The following TRPM3 variants were observed in gnomAD, a reference collection of about 807,000 sequenced individuals.
TRPM3 encodes the protein long transient receptor potential channel 3.
TRPM3 carries 77 observed loss-of-function variants against 181.2 expected under a neutral mutation model. The observed-to-expected ratio is 0.42, with a 90% CI of 0.35 to 0.51. The LOEUF is 0.51. Among genes scored for constraint, TRPM3 ranks in the 20% least tolerant of loss-of-function variants. The pLI is 0.01. For synonymous variants in TRPM3, 745 were observed against 796.4 expected, an observed-to-expected ratio of 0.94 and a Z score of 1.09; for missense variants, 1,759 against 2,196.7, an observed-to-expected ratio of 0.80 and a Z score of 3.98.
chr9:71,267,843 A>G (rs1193298169), intron 1 of TRPM3, among the ~76,000 whole-genome samples: 1 of 152,172 alleles, frequency 6.6e-6, no homozygotes, highest in Non-Finnish European at 1.5e-5. Flanking sequence ...AATCATCACA[A>G]TCATCACCTA....
At chr9:70,615,672 C>G (rs2062678579) in intron 18 of TRPM3, among the ~76,000 whole-genome samples, 1 of 152,176 alleles carries the variant, frequency 6.6e-6, no homozygotes, top group Non-Finnish European at 1.5e-5. Flanking sequence ...ATTGGTTTGT[C>G]CTGCACCACT....
intron 1 of TRPM3, among the ~76,000 whole-genome samples, chr9:71,388,668 A>G (rs1281746247): frequency 1.3e-5 from 2 of 152,138 alleles, no homozygotes; most frequent in Non-Finnish European, 1.5e-5. Flanking sequence ...CTAGCCTCTC[A>G]ATTCTTTAAC....
intron 1 of TRPM3, among the ~76,000 whole-genome samples, chr9:71,200,250 A>C (rs2078689043): frequency 6.6e-6 from 1 of 151,850 alleles, no homozygotes; most frequent in Admixed American, 6.6e-5. Context: ...GTTTGTTATA[A>C]TTTCTGTTCT....
At chr9:70,938,674 T>A (rs531286065) in intron 1 of TRPM3, among the ~76,000 whole-genome samples, 60 of 152,186 alleles carry the variant, frequency 3.9e-4, no homozygotes, top group African/African-American at 1.2e-3. Context: ...TCATTTCTTT[T>A]GGGCGCGGTG....
intron 1 of TRPM3, among the ~76,000 whole-genome samples, chr9:70,936,677 A>G (rs1183954671): frequency 6.6e-6 from 1 of 152,202 alleles, no homozygotes; most frequent in Admixed American, 6.5e-5. Context: ...TTTGTTTCAC[A>G]TAAGCCGCCT....
chr9:71,022,020 G>A (rs1306295755), intron 1 of TRPM3, among the ~76,000 whole-genome samples: 1 of 152,172 alleles, frequency 6.6e-6, no homozygotes, highest in African/African-American at 2.4e-5. Flanking sequence ...CTGGGGCCAA[G>A]GCTGTTGCTT....
In TRPM3 at chr9:70,552,078, T is replaced by A. The variant is rs553740740; in HGVS notation, c.3574+766A>T. On this transcript the variant is annotated intron_variant, in intron 24 of 25. Transcript: ENST00000677713. The stretch of plus-strand genomic sequence containing the variant: ...TCCCAGAGGCTCTTGTTCAGTAGAT[T>A]TGATGTAGGTGGCCTGTTTGACACA... Among the ~76,000 whole-genome samples the A allele has an allele frequency of 6.0e-4, 92 of 152,298 alleles. 1 individual carries two copies. The highest frequency in any genetic ancestry group is 2.1e-3 in the African/African-American group (89 of 41,558).
intron 1 of TRPM3, among the ~76,000 whole-genome samples, chr9:71,413,831 C>A (rs560460878): frequency 6.2e-4 from 94 of 151,546 alleles, no homozygotes; most frequent in Admixed American, 1.6e-3. Flanking sequence ...ATTTCCCAGC[C>A]TCCAGGATTA....
intron 8 of TRPM3, among the ~76,000 whole-genome samples, chr9:70,748,834 T>C (rs991083337): frequency 3.3e-5 from 5 of 152,150 alleles, no homozygotes; most frequent in African/African-American, 1.2e-4. Context: ...ACTAAAACAA[T>C]GGTCCCTGGA....
chr9:71,025,466 C>T (rs1205830835), intron 1 of TRPM3, among the ~76,000 whole-genome samples: 1 of 152,186 alleles, frequency 6.6e-6, no homozygotes, highest in Non-Finnish European at 1.5e-5. Context: ...AACGTATGGG[C>T]ATGAAATATG....
At chr9:71,140,741 G>C (rs2075050711) in intron 1 of TRPM3, among the ~76,000 whole-genome samples, 2 of 152,174 alleles carry the variant, frequency 1.3e-5, no homozygotes, top group Non-Finnish European at 2.9e-5. Flanking sequence ...AGATAAACAA[G>C]GCTAATACTT....
At chr9:71,272,032 G>A (rs565795119) in intron 1 of TRPM3, among the ~76,000 whole-genome samples, 1 of 152,280 alleles carries the variant, frequency 6.6e-6, no homozygotes, top group South Asian at 2.1e-4. Flanking sequence ...GGTTAACGGA[G>A]GGGGTATATT....
intron 1 of TRPM3, among the ~76,000 whole-genome samples, chr9:71,385,502 C>T (rs1415023128): frequency 1.3e-5 from 2 of 152,092 alleles, no homozygotes; most frequent in Non-Finnish European, 2.9e-5. Flanking sequence ...TTATAAAATG[C>T]TGAAAAGATC....
chr9:71,407,598 C>T (rs1396205395), intron 1 of TRPM3, among the ~76,000 whole-genome samples: 2 of 152,230 alleles, frequency 1.3e-5, no homozygotes, highest in East Asian at 3.9e-4. Flanking sequence ...GTGGAGCCCA[C>T]TGCAGCTCAA....
At chr9:70,586,909 T>C (rs140151128) in intron 22 of TRPM3, among the ~76,000 whole-genome samples, 1,623 of 152,318 alleles carry the variant, frequency 0.011, 90 homozygotes, top group Admixed American at 0.084. Flanking sequence ...AATTCAGGAA[T>C]GTGTTTTGGC....
intron 12 of TRPM3, among the ~76,000 whole-genome samples, chr9:70,629,698 T>C (rs756563727): frequency 6.6e-6 from 1 of 152,164 alleles, no homozygotes; most frequent in Admixed American, 6.5e-5. Flanking sequence ...CCAGAGTGGA[T>C]GAAGGATTAG....
intron 1 of TRPM3, chr9:70,917,283 G>T: frequency 7.1e-7 from 1 of 1,418,390 alleles, no homozygotes; most frequent in Admixed American, 1.7e-5. Context: ...TAGTCAATTA[G>T]GAAGCGAAAG....
intron 1 of TRPM3, among the ~76,000 whole-genome samples, chr9:71,301,285 A>G (rs2086747889): frequency 1.3e-5 from 2 of 152,152 alleles, no homozygotes; most frequent in African/African-American, 4.8e-5. Flanking sequence ...TGGTATTATG[A>G]GTAATTTTGT....
At chr9:71,251,751 A>G (rs1338520313) in intron 1 of TRPM3, among the ~76,000 whole-genome samples, 1 of 152,186 alleles carries the variant, frequency 6.6e-6, no homozygotes, top group Admixed American at 6.5e-5. Flanking sequence ...AAAATATACA[A>G]TTAAATTATT....
Sources: allele counts gnomAD v4.1 joint callset (sites outside exome capture counted in the v4.1 genomes callset), GRCh38; gene constraint gnomAD v4.1.1; transcripts MANE v1.5; gene names NCBI Gene and HGNC (gene_info 2026-07-23, HGNC 2026-07-21).